Variants in SZRD1 observed in about 807,000 individuals in gnomAD.
The protein encoded by SZRD1 is SUZ RNA-binding domain-containing.
Under a neutral mutation model 17.6 loss-of-function variants are expected in SZRD1, and 7 were observed. That is an observed-to-expected ratio of 0.40 (90% CI 0.23 to 0.75). The LOEUF (loss-of-function observed/expected upper bound fraction) is 0.75. SZRD1 is among the 30% of genes least tolerant of loss of function. SZRD1 has a pLI of 0.38. For missense variants in SZRD1, 178 were observed against 201.8 expected (o/e 0.88, Z 0.71); for synonymous variants, 77 against 77.9 (o/e 0.99, Z 0.06).
chr1:16,369,423 A>G lies in SZRD1; in HGVS notation c.51+2115A>G, dbSNP rs2082874380. 1.4e-5 allele frequency: 15 copies of G among 1,068,936 alleles called. No homozygotes were observed. The South Asian group carries it at 1.9e-4, about 14-fold the overall frequency. The allele number at this position is 1,068,936 out of a possible 1,614,324, so 66.2% of individuals were successfully genotyped here. The stretch of plus-strand genomic sequence containing the variant: ...CTTGCAAAAACTGCTCAAAATTGGC[A>G]GCATCCATGATTCCATCTTCTACGG... On this transcript the variant is annotated intron_variant, in intron 1 of 3. Transcript: ENST00000401088.
chr1:16,393,557 G>T lies in SZRD1; in HGVS notation c.356+75G>T. 1 of 1,455,710 alleles carries T rather than the reference G, an allele frequency of 6.9e-7. No individual in the cohort carries two copies. The highest frequency in any genetic ancestry group is 9.3e-7 in the Non-Finnish European group (1 of 1,080,258). The allele number at this position is 1,455,710 out of a possible 1,614,324, so 90.2% of individuals were successfully genotyped here. A position where few individuals can be genotyped will look rare whatever the true frequency, so the allele number is the denominator to read the frequency against. ...GGGAAGAGGAGAGCATCCTGGCTGC[G>T]TGTAGAGTAGTGAGAAGCAAGCAGA... is the stretch of plus-strand genomic sequence containing the variant. On this transcript the variant is annotated intron_variant, in intron 3 of 3. Coordinates refer to ENST00000401088, the MANE Select transcript of SZRD1 (RefSeq NM_001114600.3). This position sits in a 1 kb window ranked among gnomAD's most constrained non-coding sequence, Gnocchi z 5.6.
At chr1:16,382,502 T>TTG (rs369337944) in intron 1 of SZRD1, among the ~76,000 whole-genome samples, 37 of 142,784 alleles carry the variant, frequency 2.6e-4, no homozygotes, top group African/African-American at 9.8e-4. Flanking sequence ...GGTTTTTTTT[T>TTG]TTGTTTTTTT....
rs2085306058 is a variant in SZRD1, at chr1:16,396,013, A to C, written c.*873A>C. ...GAAAGTGAACCGACTTCCCCTTCCC[A>C]TACCCCTCAGGGTGGTTCCCTACCA... On this transcript the variant is annotated 3_prime_UTR_variant, in exon 4 of 4. Coordinates refer to ENST00000401088, the MANE Select transcript of SZRD1 (RefSeq NM_001114600.3). The C allele has an allele frequency of 1.3e-5, 2 of 152,664 alleles. No homozygotes were observed. Among genetic ancestry groups the C allele is most frequent in the South Asian group, 4.1e-4 (2 of 4,826 alleles). The allele number at this position is 152,664 out of a possible 1,614,324, so 9.5% of individuals were successfully genotyped here. A position where few individuals can be genotyped will look rare whatever the true frequency, so the allele number is the denominator to read the frequency against.
At chr1:16,367,673 C>G (rs1196933285) in intron 1 of SZRD1, 1 of 296,674 alleles carries the variant, frequency 3.4e-6, no homozygotes, top group Non-Finnish European at 6.4e-6. Context: ...AGTTCTTGTG[C>G]TCTGACCGGG....
At chr1:16,381,159 C>G (rs1361127052) in intron 1 of SZRD1, among the ~76,000 whole-genome samples, 1 of 150,420 alleles carries the variant, frequency 6.6e-6, no homozygotes, top group Non-Finnish European at 1.5e-5. Context: ...GAGGCCGAGG[C>G]CGAAGGATCA....
chr1:16,371,805 G>A (rs2082920126), intron 1 of SZRD1, among the ~76,000 whole-genome samples: 1 of 152,080 alleles, frequency 6.6e-6, no homozygotes, highest in African/African-American at 2.4e-5. Context: ...CAAGGTTGGA[G>A]TGCAGTGGTC....
At chr1:16,370,738 G>A (rs11800268) in intron 1 of SZRD1, among the ~76,000 whole-genome samples, 2,762 of 152,194 alleles carry the variant, frequency 0.018, 86 homozygotes, top group African/African-American at 0.062. Flanking sequence ...TTGGGCTCTA[G>A]CAGTCCTCCT....
chr1:16,378,324 CG>C (rs1312759694), intron 1 of SZRD1, among the ~76,000 whole-genome samples: 4 of 134,120 alleles, frequency 3.0e-5, no homozygotes, highest in Non-Finnish European at 6.2e-5. Flanking sequence ...CTTGCTCTGT[CG>C]CCCAGGCTGG....
chr1:16,395,118 A>G lies in SZRD1; in HGVS notation c.437A>G (p.Gln146Arg), dbSNP rs747663532. Residue 146 changes from glutamine to arginine, a missense_variant, in exon 4 of 4, where the codon CAA becomes CGA. Physicochemically the swap from Gln to Arg is conservative, Grantham distance 43 (BLOSUM62 1). Transcript: ENST00000401088. ...IRQPLGPDGS[Q>R]GFKQRR ...CAGCCTTTGGGTCCTGATGGGTCTC[A>G]AGGCTTCAAACAGCGCAGATAAATG... 4 of 1,613,080 alleles carry G rather than the reference A, an allele frequency of 2.5e-6. No individual in the cohort carries two copies. The highest frequency in any genetic ancestry group is 2.5e-6 in the Non-Finnish European group (3 of 1,179,102).
At chr1:16,385,677 T>C (rs554528146) in intron 1 of SZRD1, among the ~76,000 whole-genome samples, 1 of 152,324 alleles carries the variant, frequency 6.6e-6, no homozygotes, top group South Asian at 2.1e-4. Context: ...CTGGGTTGTT[T>C]GAGGTGACCC....
intron 1 of SZRD1, chr1:16,369,438 ATCT>A (rs1288250767): frequency 9.4e-7 from 1 of 1,059,736 alleles, no homozygotes; most frequent in Non-Finnish European, 1.4e-6. Flanking sequence ...CCATGATTCC[ATCT>A]TCTACGGGGT....
intron 1 of SZRD1, among the ~76,000 whole-genome samples, chr1:16,390,127 C>T (rs1453963909): frequency 1.3e-5 from 2 of 152,226 alleles, no homozygotes; most frequent in Non-Finnish European, 2.9e-5. Flanking sequence ...ACAGTTTCTT[C>T]CATCTCCATT....
chr1:16,380,732 T>TG (rs1344184142), intron 1 of SZRD1, among the ~76,000 whole-genome samples: 1 of 152,132 alleles, frequency 6.6e-6, no homozygotes, highest in Non-Finnish European at 1.5e-5. Context: ...GCTCCCAAAG[T>TG]GCTGGGATTA....
chr1:16,379,281 G>A (rs1331536287), intron 1 of SZRD1, among the ~76,000 whole-genome samples: 1 of 151,666 alleles, frequency 6.6e-6, no homozygotes, highest in Non-Finnish European at 1.5e-5. Context: ...CACCACGCCC[G>A]GCTAATTTTT....
At position 16,395,257 on chromosome 1, in the gene SZRD1, C is replaced by A. The variant is rs1209675920; in HGVS notation, c.*117C>A. 1 of 756,636 alleles carries A rather than the reference C, an allele frequency of 1.3e-6. No homozygotes were observed. Among genetic ancestry groups the A allele is most frequent in the East Asian group, 2.6e-5 (1 of 37,758 alleles). 46.9% of individuals were successfully genotyped at this position (756,636 alleles called of 1,614,324 possible). ...TGAGCAGAGGGAACGACCTGACTTACTTGCACTGTGATCCCCCTTGCTCCG... is the reference window on the plus strand; with the variant it reads ...TGAGCAGAGGGAACGACCTGACTTAATTGCACTGTGATCCCCCTTGCTCCG... On this transcript the variant is annotated 3_prime_UTR_variant, in exon 4 of 4. Transcript: ENST00000401088.
intron 2 of SZRD1, among the ~76,000 whole-genome samples, chr1:16,392,591 C>T (rs896549850): frequency 2.0e-5 from 3 of 152,176 alleles, no homozygotes; most frequent in African/African-American, 7.2e-5. Context: ...GACCAGGGAG[C>T]CCTGGCAAGG....
rs74055658 is a variant in SZRD1 at position 16,396,992 on chromosome 1, T to A, written c.*1852T>A. On this transcript the variant is annotated 3_prime_UTR_variant, in exon 4 of 4. Coordinates refer to ENST00000401088, the MANE Select transcript of SZRD1 (RefSeq NM_001114600.3). Reference sequence around the variant, plus strand: ...TTATAGTTCCACTGCCCTAACCAAGTGTCCACATTCTAAATGTGTAGTGTC... The same window carrying A: ...TTATAGTTCCACTGCCCTAACCAAGAGTCCACATTCTAAATGTGTAGTGTC... 0.021 allele frequency: 3,257 copies of A among 152,380 alleles called. 119 individuals are homozygous for A. The highest frequency in any genetic ancestry group is 0.073 in the African/African-American group (3,041 of 41,572). The allele number at this position is 152,380 out of a possible 1,614,324, so 9.4% of individuals were successfully genotyped here. A position where few individuals can be genotyped will look rare whatever the true frequency, so the allele number is the denominator to read the frequency against.
intron 1 of SZRD1, among the ~76,000 whole-genome samples, chr1:16,370,090 A>G (rs573985405): frequency 1.8e-4 from 28 of 152,200 alleles, no homozygotes; most frequent in African/African-American, 6.0e-4. Context: ...GCAAGATCAC[A>G]CAGCTGGGGG....
chr1:16,382,550 A>G (rs1172060885), intron 1 of SZRD1, among the ~76,000 whole-genome samples: 1 of 149,414 alleles, frequency 6.7e-6, no homozygotes. Context: ...GCTGGAGTGC[A>G]GTGACACAAT....
Sources: gnomAD v4.1 joint callset for allele counts (sites outside exome capture counted in the v4.1 genomes callset) on GRCh38, gnomAD v4.1.1 for gene constraint, Gnocchi (gnomAD v3.1) non-coding constraint, MANE v1.5 for transcripts, NCBI Gene and HGNC (gene_info 2026-07-23, HGNC 2026-07-21) for gene names.